PEX5L: variants seen among roughly 807,000 people sequenced by gnomAD.
PEX5L encodes the protein peroxisomal biogenesis factor 5 like.
Under a neutral mutation model 84.0 loss-of-function variants are expected in PEX5L, and 30 were observed. The observed-to-expected ratio is 0.36, with a 90% CI of 0.27 to 0.48. The LOEUF (loss-of-function observed/expected upper bound fraction) is 0.48, where lower values mean the gene tolerates loss of function less well. Among genes scored for constraint, PEX5L ranks in the 20% least tolerant of loss-of-function variants. PEX5L has a pLI of 0.99. For synonymous variants in PEX5L, 270 were observed against 283.1 expected (o/e 0.95, Z 0.46); for missense variants, 533 against 754.6 (o/e 0.71, Z 3.44).
At chr3:179,863,577 C>T (rs1023736539) in intron 7 of PEX5L, among the ~76,000 whole-genome samples, 13 of 152,038 alleles carry the variant, frequency 8.6e-5, no homozygotes, top group Admixed American at 5.9e-4. Flanking sequence ...GATATATGAA[C>T]AAAATATTCA....
intron 2 of PEX5L, among the ~76,000 whole-genome samples, chr3:179,924,547 A>C (rs1185987308): frequency 6.6e-6 from 1 of 152,224 alleles, no homozygotes; most frequent in Non-Finnish European, 1.5e-5. Context: ...TCTAAAAGTG[A>C]AATTTGATCC....
intron 8 of PEX5L, among the ~76,000 whole-genome samples, chr3:179,839,845 A>G (rs1736377885): frequency 6.6e-6 from 1 of 152,242 alleles, no homozygotes; most frequent in South Asian, 2.1e-4. Context: ...TTGTTAGAAT[A>G]ATTATGGAAG....
chr3:179,850,310 A>G (rs1741331711), intron 8 of PEX5L, among the ~76,000 whole-genome samples: 2 of 152,006 alleles, frequency 1.3e-5, no homozygotes, highest in Admixed American at 1.3e-4. Flanking sequence ...TACTTTTAGT[A>G]GAGACGGGGT....
At chr3:180,033,532 T>C (rs1425331924) in intron 1 of PEX5L, among the ~76,000 whole-genome samples, 1 of 152,186 alleles carries the variant, frequency 6.6e-6, no homozygotes, top group Non-Finnish European at 1.5e-5. Flanking sequence ...TTGAGAGACA[T>C]GTAATAATTT....
chr3:179,917,339 T>A (rs1224262901), intron 2 of PEX5L, among the ~76,000 whole-genome samples: 1 of 151,736 alleles, frequency 6.6e-6, no homozygotes, highest in Non-Finnish European at 1.5e-5. Context: ...CTAACTTTTT[T>A]TTTTTTTTAA....
chr3:179,971,193 T>C (rs3774254), intron 2 of PEX5L, among the ~76,000 whole-genome samples: 5 of 151,578 alleles, frequency 3.3e-5, no homozygotes, highest in Admixed American at 2.0e-4. Flanking sequence ...TTTTCTCTCT[T>C]TCTCTCTCTC....
chr3:179,974,836 A>G (rs978087645), intron 1 of PEX5L, among the ~76,000 whole-genome samples: 1 of 152,138 alleles, frequency 6.6e-6, no homozygotes, highest in Non-Finnish European at 1.5e-5. Flanking sequence ...CCTCTCCTCC[A>G]CAAAAGTAAA....
chr3:180,006,868 T>C (rs1280750880), intron 1 of PEX5L, among the ~76,000 whole-genome samples: 3 of 152,154 alleles, frequency 2.0e-5, no homozygotes, highest in African/African-American at 7.2e-5. Flanking sequence ...CATGTGGGAA[T>C]TCTGGGAGAT....
intron 1 of PEX5L, chr3:179,973,236 T>C: frequency 1.6e-6 from 2 of 1,288,954 alleles, no homozygotes; most frequent in Non-Finnish European, 2.0e-6. Flanking sequence ...CTTCCATCCA[T>C]TTCACTGTCA....
chr3:179,889,526 C>T (rs1184097962), intron 3 of PEX5L, among the ~76,000 whole-genome samples: 3 of 152,086 alleles, frequency 2.0e-5, no homozygotes, highest in Non-Finnish European at 4.4e-5. Context: ...TTTGAGAACG[C>T]TTTTCTTCTT....
intron 2 of PEX5L, among the ~76,000 whole-genome samples, chr3:179,909,356 A>T (rs995164891): frequency 2.0e-5 from 3 of 152,222 alleles, no homozygotes; most frequent in Non-Finnish European, 4.4e-5. Context: ...CAGCAATAGA[A>T]GCAGCAAATA....
rs1413164510 is a variant in PEX5L, at chr3:179,797,028, C to CTAA, written c.*4797_*4799dup. ...CGCCTTATTTAGAATATCAGTTTTT[C>CTAA]TAATTTATTCCCAAACTTTTAGAAA... On this transcript the variant is annotated 3_prime_UTR_variant, in exon 15 of 15. Transcript: ENST00000467460. 1 of 152,172 alleles carries CTAA rather than the reference C, an allele frequency of 6.6e-6. No homozygotes were observed. The highest frequency in any genetic ancestry group is 1.5e-5 in the Non-Finnish European group (1 of 68,016). 9.4% of individuals were successfully genotyped at this position (152,172 alleles called of 1,614,324 possible).
intron 8 of PEX5L, among the ~76,000 whole-genome samples, chr3:179,842,174 C>T (rs937698613): frequency 2.0e-5 from 3 of 152,216 alleles, no homozygotes; most frequent in Admixed American, 6.5e-5. Context: ...CTTCTGCCTT[C>T]TAGCCTGCTG....
chr3:179,908,427 C>A (rs912904740), intron 2 of PEX5L, among the ~76,000 whole-genome samples: 18 of 152,078 alleles, frequency 1.2e-4, no homozygotes, highest in Admixed American at 5.2e-4. Context: ...CCAGCTCTGC[C>A]TTTTATAAAC....
intron 2 of PEX5L, among the ~76,000 whole-genome samples, chr3:179,910,916 G>A (rs768228427): frequency 2.6e-4 from 40 of 152,110 alleles, no homozygotes; most frequent in Non-Finnish European, 4.9e-4. Context: ...TCTTATAAAT[G>A]TCAATACACG....
intron 6 of PEX5L, 42 bp downstream of exon 6, chr3:179,875,312 T>C (rs753157232): frequency 1.4e-5 from 23 of 1,604,584 alleles, no homozygotes; most frequent in Non-Finnish European, 1.9e-5. Flanking sequence ...ACTCATAAAG[T>C]TGATACATAA....
intron 8 of PEX5L, among the ~76,000 whole-genome samples, chr3:179,824,847 A>G (rs778812359): frequency 6.6e-6 from 1 of 152,206 alleles, no homozygotes; most frequent in Non-Finnish European, 1.5e-5. Flanking sequence ...GTGGGGCTTC[A>G]CTGCCCTGGG....
intron 2 of PEX5L, among the ~76,000 whole-genome samples, chr3:179,935,624 T>C (rs966592415): frequency 6.6e-6 from 1 of 152,196 alleles, no homozygotes; most frequent in African/African-American, 2.4e-5. Flanking sequence ...TCTTTTCCTA[T>C]CTATAAAAAT....
intron 8 of PEX5L, among the ~76,000 whole-genome samples, chr3:179,826,037 C>T (rs995261736): frequency 3.3e-5 from 5 of 152,140 alleles, no homozygotes; most frequent in Non-Finnish European, 5.9e-5. Flanking sequence ...TGCTGGCAGG[C>T]ACCTGGACAA....
Sources: allele counts gnomAD v4.1 joint callset (sites outside exome capture counted in the v4.1 genomes callset), GRCh38; gene constraint gnomAD v4.1.1; transcripts MANE v1.5; gene names NCBI Gene and HGNC (gene_info 2026-07-23, HGNC 2026-07-21).